MOXD1: variants seen among roughly 807,000 people sequenced by gnomAD.
MOXD1 encodes DBH-like monooxygenase protein 1.
MOXD1 carries 62 observed loss-of-function variants against 66.6 expected under a neutral mutation model. The ratio of observed to expected loss-of-function variants is 0.93; its 90% CI spans 0.76 to 1.15. The LOEUF (loss-of-function observed/expected upper bound fraction) is 1.15. Ranked by LOEUF, MOXD1 falls within the 50% of genes most tolerant of loss-of-function variation. The probability of loss-of-function intolerance (pLI) is 0.00; values close to 1 mark genes in which losing one functional copy is unlikely to be tolerated. For synonymous variants in MOXD1, 303 were observed against 281.9 expected, an observed-to-expected ratio of 1.07 and a Z score of -0.75; for missense variants, 847 against 754.6, an observed-to-expected ratio of 1.12 and a Z score of -1.44.
chr6:132,367,205 TCTGA>T (rs1250804376), intron 4 of MOXD1, among the ~76,000 whole-genome samples: 1 of 152,076 alleles, frequency 6.6e-6, no homozygotes, highest in African/African-American at 2.4e-5. Context: ...TCTTTGGAAC[TCTGA>T]CTGCCTAGAA....
At chr6:132,385,175 G>A (rs947265022) in intron 1 of MOXD1, among the ~76,000 whole-genome samples, 1 of 152,158 alleles carries the variant, frequency 6.6e-6, no homozygotes, top group African/African-American at 2.4e-5. Context: ...AGATGGGGAA[G>A]CCTGGGAAGG....
At position 132,372,981 on chromosome 6, in the gene MOXD1, A is replaced by T. The variant is rs1357117851; in HGVS notation, c.428T>A (p.Val143Glu). 6.2e-7 allele frequency: 1 copy of T among 1,613,228 alleles called. No homozygotes were observed. Among genetic ancestry groups the T allele is most frequent in the Admixed American group, 1.7e-5 (1 of 59,942 alleles). ...DKSITDSTVR[V>E]IWAYHHEDAG... ...ATCTTCATGGTGGTAGGCCCAGATCACTCTCACAGTGCTATCCTGGGGATC... is the reference window on the plus strand; with the variant it reads ...ATCTTCATGGTGGTAGGCCCAGATCTCTCTCACAGTGCTATCCTGGGGATC... Residue 143 changes from valine (V) to glutamate (E), a missense_variant, in exon 3 of 12, where the codon GTG becomes GAG. Val to Glu is a moderately radical substitution (Grantham distance 121, BLOSUM62 -2). Coordinates refer to ENST00000367963, the MANE Select transcript of MOXD1 (RefSeq NM_015529.4).
chr6:132,303,833 GTGTATATATATATATATATATA>G (rs1265269509), intron 10 of MOXD1, among the ~76,000 whole-genome samples: 157 of 59,978 alleles, frequency 2.6e-3, no homozygotes, highest in African/African-American at 9.1e-3. Flanking sequence ...GTGTGTGTGT[GTGTATATATATATATATATATA>G]TATATATATA....
intron 4 of MOXD1, among the ~76,000 whole-genome samples, chr6:132,363,461 G>A (rs935172156): frequency 6.6e-6 from 1 of 152,094 alleles, no homozygotes; most frequent in Non-Finnish European, 1.5e-5. Context: ...TAAGCTATCA[G>A]ACTTCTTCCA....
chr6:132,400,919 A>G (rs1244079760), intron 1 of MOXD1, among the ~76,000 whole-genome samples: 1 of 152,054 alleles, frequency 6.6e-6, no homozygotes, highest in Admixed American at 6.5e-5. Context: ...TGGGGACAGG[A>G]AAGTGTTCAA....
chr6:132,319,899 T>C (rs1775040864), intron 9 of MOXD1, among the ~76,000 whole-genome samples: 1 of 152,132 alleles, frequency 6.6e-6, no homozygotes, highest in Non-Finnish European at 1.5e-5. Context: ...GTTGAGGTGA[T>C]TATATATCTT....
intron 4 of MOXD1, among the ~76,000 whole-genome samples, chr6:132,338,258 G>A (rs968904976): frequency 7.2e-5 from 11 of 152,278 alleles, no homozygotes; most frequent in African/African-American, 1.7e-4. Flanking sequence ...ATCTTTATTA[G>A]CAGGGTCACG....
intron 4 of MOXD1, among the ~76,000 whole-genome samples, chr6:132,340,638 ATTTTTTT>A (rs869205496): frequency 7.1e-5 from 7 of 98,808 alleles, no homozygotes; most frequent in East Asian, 4.1e-4. Flanking sequence ...AACAAGACTC[ATTTTTTT>A]TTTTTTTTTT....
intron 4 of MOXD1, among the ~76,000 whole-genome samples, chr6:132,354,794 T>C (rs551763897): frequency 8.5e-4 from 130 of 152,196 alleles, no homozygotes; most frequent in African/African-American, 2.9e-3. Context: ...GCTAGGTGTG[T>C]CTGAGCTCAG....
Position 132,315,695 on chromosome 6 carries a change from A to T in MOXD1, c.1448T>A (p.Ile483Asn). The T allele has an allele frequency of 6.2e-7, 1 of 1,613,562 alleles. No homozygotes were observed. Among genetic ancestry groups the T allele is most frequent in the Non-Finnish European group, 8.5e-7 (1 of 1,179,582 alleles). The change falls in exon 10 of 12, where the codon ATT becomes AAT. Residue 483 changes from isoleucine (I) to asparagine (N), a missense_variant. Transcript: ENST00000367963. The stretch of plus-strand genomic sequence containing the variant: ...CTGAAGTTGTTCCATAATGTCTGGA[A>T]TACTTGCACATCGAGTAAGATTAAT... ...PRINLTRCAS[I>N]PDIMEQLQFI...
chr6:132,345,880 T>C (rs1369692951), intron 4 of MOXD1, among the ~76,000 whole-genome samples: 1 of 152,020 alleles, frequency 6.6e-6, no homozygotes, highest in Non-Finnish European at 1.5e-5. Context: ...TGCCAGTACA[T>C]GTGGCTTTAC....
At chr6:132,325,855 T>TA (rs1380059005) in intron 6 of MOXD1, among the ~76,000 whole-genome samples, 1 of 152,238 alleles carries the variant, frequency 6.6e-6, no homozygotes, top group Non-Finnish European at 1.5e-5. Flanking sequence ...GTCACACATC[T>TA]ACCAGGGTTT....
At chr6:132,351,056 G>A (rs1333766794) in intron 4 of MOXD1, among the ~76,000 whole-genome samples, 2 of 151,954 alleles carry the variant, frequency 1.3e-5, no homozygotes, top group African/African-American at 2.4e-5. Context: ...TCGTCTTTGG[G>A]GTTTTCAAGG....
intron 4 of MOXD1, among the ~76,000 whole-genome samples, chr6:132,354,930 G>C (rs1057140333): frequency 6.6e-6 from 1 of 152,106 alleles, no homozygotes; most frequent in African/African-American, 2.4e-5. Flanking sequence ...TGCCAGGGAA[G>C]TAGGGGAAAA....
chr6:132,319,407 T>C (rs1346302050), intron 9 of MOXD1, among the ~76,000 whole-genome samples: 3 of 151,998 alleles, frequency 2.0e-5, no homozygotes, highest in Non-Finnish European at 4.4e-5. Context: ...TTACTGTCTT[T>C]AGGCATTCTT....
At chr6:132,301,930 A>G (rs4897572) in intron 10 of MOXD1, among the ~76,000 whole-genome samples, 70,295 of 152,002 alleles carry the variant, frequency 0.46, 18,073 homozygotes, top group East Asian at 0.69. Context: ...GCATTCTCTG[A>G]ACCAGAATGC....
chr6:132,386,135 G>T (rs1409037823), intron 1 of MOXD1, among the ~76,000 whole-genome samples: 1 of 134,100 alleles, frequency 7.5e-6, no homozygotes, highest in Non-Finnish European at 1.5e-5. Context: ...AGGCGCGGTG[G>T]CTCACGCCTG....
At chr6:132,331,784 A>G (rs1438996990) in intron 4 of MOXD1, among the ~76,000 whole-genome samples, 1 of 152,162 alleles carries the variant, frequency 6.6e-6, no homozygotes, top group Non-Finnish European at 1.5e-5. Flanking sequence ...GTGACCCCAA[A>G]GTCTGTACTT....
In MOXD1 at chr6:132,384,266, CT is replaced by C. The variant is rs1316862868; in HGVS notation, c.265-9490del. Among the ~76,000 whole-genome samples, 351 of 119,462 alleles carry C rather than the reference CT, an allele frequency of 2.9e-3. 2 individuals carry two copies. The highest frequency in any genetic ancestry group is 0.013 in the Middle Eastern group (3 of 228). 78.4% of individuals were successfully genotyped at this position (119,462 alleles called of 152,430 possible). A position where few individuals can be genotyped will look rare whatever the true frequency, so the allele number is the denominator to read the frequency against. ...TCTTCCTTCCTTCCTTCCTTCCTTC[CT>C]TCCTTCCTTCCTTCCTTCCTTCCTC... On this transcript the variant is annotated intron_variant, in intron 1 of 11. Transcript: ENST00000367963.
Sources: gnomAD v4.1 joint callset for allele counts (sites outside exome capture counted in the v4.1 genomes callset) on GRCh38, gnomAD v4.1.1 for gene constraint, MANE v1.5 for transcripts, NCBI Gene and HGNC (gene_info 2026-07-23, HGNC 2026-07-21) for gene names.